ATF4: variants seen among roughly 807,000 people sequenced by gnomAD.
ATF4 encodes the protein cyclic AMP-dependent transcription factor ATF-4.
Under a neutral mutation model 21.0 loss-of-function variants are expected in ATF4, and 8 were observed. The observed-to-expected ratio is 0.38, with a 90% confidence interval of 0.22 to 0.69. The LOEUF is 0.69. ATF4 is among the 30% of genes least tolerant of loss of function. The pLI is 0.49. For missense variants in ATF4, 549 were observed against 425.9 expected (o/e 1.29, Z -2.54); for synonymous variants, 241 against 166.4 (o/e 1.45, Z -3.45).
Position 39,522,424 on chromosome 22 carries a change from C to T in ATF4, c.878C>T (p.Thr293Ile), listed in dbSNP as rs774364445. ...KKMEQNKTAA[T>I]RYRQKKRAEQ... ...ATGGAGCAAAACAAGACAGCAGCCACTAGGTACCGCCAGAAGAAGAGGGCG... is the reference window on the plus strand; with the variant it reads ...ATGGAGCAAAACAAGACAGCAGCCATTAGGTACCGCCAGAAGAAGAGGGCG... The change falls in exon 3 of 3, where the codon ACT becomes ATT. Residue 293 changes from threonine to isoleucine, a missense_variant. Transcript: ENST00000674920. 5 of 1,613,576 alleles carry T rather than the reference C, an allele frequency of 3.1e-6. No individual in the cohort carries two copies. In the East Asian group the frequency reaches 1.1e-4, roughly 36 times the overall value.
rs748952205 is a variant in ATF4, at chr22:39,521,891, G to A, written c.345G>A (p.Thr115=). 1.7e-5 allele frequency: 27 copies of A among 1,613,996 alleles called. No homozygotes were observed. The highest frequency in any genetic ancestry group is 1.4e-4 in the South Asian group (13 of 91,088). The change falls in exon 3 of 3, where the codon ACG becomes ACA. Residue 115 remains threonine (T), a synonymous_variant. Coordinates refer to ENST00000674920, the MANE Select transcript of ATF4 (RefSeq NM_182810.3). ...LETMPDDLLT[T]LDDTCDLFAP... is the part of the protein sequence containing the mutation. The stretch of plus-strand genomic sequence containing the variant: ...CCATGCCAGATGACCTTCTGACCAC[G>A]TTGGATGACACTTGTGATCTCTTTG...
rs1930945915 is a variant in ATF4, at chr22:39,521,567, C to T, written c.122C>T (p.Ala41Val). 1 of 1,613,670 alleles carries T rather than the reference C, an allele frequency of 6.2e-7. No individual in the cohort carries two copies. Among genetic ancestry groups the T allele is most frequent in the Non-Finnish European group, 8.5e-7 (1 of 1,179,992 alleles). Residue 41 changes from alanine (A) to valine (V), a missense_variant, in exon 2 of 3, where the codon GCC becomes GTC. By Grantham distance (64) the Ala-to-Val change is moderately conservative. Coordinates refer to ENST00000674920, the MANE Select transcript of ATF4 (RefSeq NM_182810.3). ...CTCTTAGATGATTACCTGGAGGTGG[C>T]CAAGCACTTCAAACCTCATGGGTTC... The part of the protein sequence containing the change: ...LGLLDDYLEV[A>V]KHFKPHGFSS...
intron 1 of ATF4, chr22:39,521,047 TGGCGGCGGCAGGGC>T (rs1369799909): frequency 6.8e-6 from 1 of 146,264 alleles, no homozygotes; most frequent in East Asian, 2.3e-4. Context: ...GGAACCAAGA[TGGCGGCGGCAGGGC>T]GGCGGCGCGG....
chr22:39,522,005 G>A lies in ATF4; in HGVS notation c.459G>A (p.Gln153=), dbSNP rs1179049399. Reference sequence around the variant, plus strand: ...CAGAAAGTTTAACAAAACCCGACCAGGTTGCCCCCTTCACCTTCTTACAAC... The same window carrying A: ...CAGAAAGTTTAACAAAACCCGACCAAGTTGCCCCCTTCACCTTCTTACAAC... ...HLPESLTKPD[Q]VAPFTFLQPL... is the part of the protein sequence containing the mutation. Residue 153 remains glutamine (Q), a synonymous_variant, in exon 3 of 3, where the codon CAG becomes CAA. Transcript: ENST00000674920. 6.2e-7 allele frequency: 1 copy of A among 1,613,670 alleles called. No homozygotes were observed. Among genetic ancestry groups the A allele is most frequent in the Non-Finnish European group, 8.5e-7 (1 of 1,179,774 alleles).
chr22:39,522,624 A>G lies in ATF4; in HGVS notation c.*22A>G, dbSNP rs1313307753. 1.3e-6 allele frequency: 2 copies of G among 1,506,880 alleles called. No homozygotes were observed. Among genetic ancestry groups the G allele is most frequent in the Admixed American group, 2.3e-5 (1 of 43,232 alleles). 93.3% of individuals were successfully genotyped at this position (1,506,880 alleles called of 1,614,324 possible). ...CTAGTTGAGGATAGTCAGGAGCGTC[A>G]ATGTGCTTGTACATAGAGTGCTGTA... On this transcript the variant is annotated 3_prime_UTR_variant, in exon 3 of 3. Transcript: ENST00000674920.
At position 39,522,352 on chromosome 22, in the gene ATF4, T is replaced by C; in HGVS notation, c.806T>C (p.Val269Ala). The stretch of plus-strand genomic sequence containing the variant: ...TACGATCCTCCTGGAGAGAAGATGG[T>C]AGCAGCAAAAGTAAAGGGTGAGAAA... ...KPYDPPGEKMVAAKVKGEKLD... is the reference protein window; with the variant it reads ...KPYDPPGEKMAAAKVKGEKLD... Residue 269 changes from valine (V) to alanine (A), a missense_variant, in exon 3 of 3, where the codon GTA becomes GCA. By Grantham distance (64) the Val-to-Ala change is moderately conservative. Coordinates refer to ENST00000674920, the MANE Select transcript of ATF4 (RefSeq NM_182810.3). 1.2e-6 allele frequency: 2 copies of C among 1,612,650 alleles called. No homozygotes were observed. Among genetic ancestry groups the C allele is most frequent in the Admixed American group, 1.7e-5 (1 of 59,788 alleles).
rs2145763615 is a variant in ATF4 at position 39,521,914 on chromosome 22, T to C, written c.368T>C (p.Phe123Ser). 3 of 1,613,900 alleles carry C rather than the reference T, an allele frequency of 1.9e-6. No homozygotes were observed. Among genetic ancestry groups the C allele is most frequent in the East Asian group, 4.5e-5 (2 of 44,880 alleles). ...ACGTTGGATGACACTTGTGATCTCT[T>C]TGCCCCCCTAGTCCAGGAGACTAAT... is the stretch of plus-strand genomic sequence containing the variant. ...LTTLDDTCDL[F>S]APLVQETNKQ... The change falls in exon 3 of 3, where the codon TTT (phenylalanine) becomes TCT (serine). Residue 123 changes from phenylalanine to serine, a missense_variant. Phe to Ser is a radical substitution (Grantham distance 155). Coordinates refer to ENST00000674920, the MANE Select transcript of ATF4 (RefSeq NM_182810.3).
At chr22:39,520,978 G>C (rs1186492012) in intron 1 of ATF4, 1 of 153,472 alleles carries the variant, frequency 6.5e-6, no homozygotes, top group Non-Finnish European at 1.5e-5. Flanking sequence ...TACAGCCCTC[G>C]GACCCCGAGC....
In ATF4 at chr22:39,522,556, T is replaced by G; in HGVS notation, c.1010T>G (p.Leu337Trp). The change falls in exon 3 of 3, where the codon TTG (leucine) becomes TGG (tryptophan). Residue 337 changes from leucine (L) to tryptophan (W), a missense_variant. Physicochemically the swap from Leu to Trp is moderately conservative, Grantham distance 61. Coordinates refer to ENST00000674920, the MANE Select transcript of ATF4 (RefSeq NM_182810.3). ...LAKEIQYLKD[L>W]IEEVRKARGK... ...AAGGAGATCCAGTACCTGAAAGATT[T>G]GATAGAAGAGGTCCGCAAGGCAAGG... The G allele has an allele frequency of 7.0e-6, 11 of 1,573,554 alleles. No individual in the cohort carries two copies. The highest frequency in any genetic ancestry group is 8.6e-6 in the Non-Finnish European group (10 of 1,164,162).
At chr22:39,520,863 C>G (rs913985109) in intron 1 of ATF4, 112 bp downstream of exon 1, 2 of 152,932 alleles carry the variant, frequency 1.3e-5, no homozygotes, top group Non-Finnish European at 2.9e-5. Flanking sequence ...AGCGATTTAA[C>G]GAGCGCCCGG....
chr22:39,520,957 C>T (rs1930900133), intron 1 of ATF4: 1 of 152,946 alleles, frequency 6.5e-6, no homozygotes, highest in African/African-American at 2.4e-5. Flanking sequence ...GGACTGCTTC[C>T]CCAGGAGCCC....
rs149326054 is a variant in ATF4, at chr22:39,521,579, A to C, written c.134A>C (p.Lys45Thr). 6.2e-7 allele frequency: 1 copy of C among 1,613,984 alleles called. No homozygotes were observed. Among genetic ancestry groups the C allele is most frequent in the Admixed American group, 1.7e-5 (1 of 60,026 alleles). Residue 45 changes from lysine (K) to threonine (T), a missense_variant, in exon 2 of 3, where the codon AAA (lysine) becomes ACA (threonine). Coordinates refer to ENST00000674920, the MANE Select transcript of ATF4 (RefSeq NM_182810.3). ...TACCTGGAGGTGGCCAAGCACTTCA[A>C]ACCTCATGGGTTCTCCAGCGACAAG... Reference protein sequence around the residue: ...DDYLEVAKHFKPHGFSSDKAK... With the variant: ...DDYLEVAKHFTPHGFSSDKAK...
rs1438372076 is a variant in ATF4 at position 39,521,623 on chromosome 22, G to A, written c.178G>A (p.Glu60Lys). 5 of 1,614,038 alleles carry A rather than the reference G, an allele frequency of 3.1e-6. No homozygotes were observed. Among genetic ancestry groups the A allele is most frequent in the South Asian group, 1.1e-5 (1 of 91,084 alleles). ...CGACAAGGCTAAGGCGGGCTCCTCC[G>A]AATGGCTGGCTGTGGATGGGTTGGT... ...SSDKAKAGSS[E>K]WLAVDGLVSP... The change falls in exon 2 of 3, where the codon GAA (glutamate) becomes AAA (lysine). Residue 60 changes from glutamate to lysine, a missense_variant. By Grantham distance (56) the Glu-to-Lys change is moderately conservative (BLOSUM62 1). Transcript: ENST00000674920.
In ATF4 at chr22:39,521,585, A is replaced by C. The variant is rs747272986; in HGVS notation, c.140A>C (p.His47Pro). ...YLEVAKHFKP[H>P]GFSSDKAKAG... ...GAGGTGGCCAAGCACTTCAAACCTC[A>C]TGGGTTCTCCAGCGACAAGGCTAAG... The change falls in exon 2 of 3, where the codon CAT (histidine) becomes CCT (proline). Residue 47 changes from histidine to proline, a missense_variant. Physicochemically the swap from His to Pro is moderately conservative, Grantham distance 77 (BLOSUM62 -2). Transcript: ENST00000674920. 6.2e-7 allele frequency: 1 copy of C among 1,613,922 alleles called. No homozygotes were observed. Among genetic ancestry groups the C allele is most frequent in the Non-Finnish European group, 8.5e-7 (1 of 1,180,018 alleles).
rs1931008326 is a variant in ATF4 at position 39,522,282 on chromosome 22, C to T, written c.736C>T (p.Leu246Phe). The change falls in exon 3 of 3, where the codon CTC becomes TTC. Residue 246 changes from leucine (L) to phenylalanine (F), a missense_variant. Coordinates refer to ENST00000674920, the MANE Select transcript of ATF4 (RefSeq NM_182810.3). Reference sequence around the variant, plus strand: ...TACCAGGGGCTCTCCAAATAGGAGCCTCCCATCTCCAGGTGTTCTCTGTGG... The same window carrying T: ...TACCAGGGGCTCTCCAAATAGGAGCTTCCCATCTCCAGGTGTTCTCTGTGG... ...PSTRGSPNRSLPSPGVLCGSA... is the reference protein window; with the variant it reads ...PSTRGSPNRSFPSPGVLCGSA... 3 of 1,607,734 alleles carry T rather than the reference C, an allele frequency of 1.9e-6. No individual in the cohort carries two copies. Among genetic ancestry groups the T allele is most frequent in the Non-Finnish European group, 2.5e-6 (3 of 1,177,474 alleles).
At chr22:39,521,724 C>G (rs1272379936) in intron 2 of ATF4, 49 bp from the exon 3 acceptor site, 1 of 1,609,510 alleles carries the variant, frequency 6.2e-7, no homozygotes, top group Non-Finnish European at 8.5e-7. Flanking sequence ...TAGGGGCCTC[C>G]TACCTTTGTA....
intron 1 of ATF4, chr22:39,520,972 G>A (rs551099467): frequency 6.5e-6 from 1 of 153,648 alleles, no homozygotes; most frequent in East Asian, 1.9e-4. Context: ...GAGCCCTACA[G>A]CCCTCGGACC....
In ATF4 at chr22:39,521,922, C is replaced by G. The variant is rs181790280; in HGVS notation, c.376C>G (p.Leu126Val). The stretch of plus-strand genomic sequence containing the variant: ...TGACACTTGTGATCTCTTTGCCCCC[C>G]TAGTCCAGGAGACTAATAAGCAGCC... Reference protein sequence around the residue: ...LDDTCDLFAPLVQETNKQPPQ... With the variant: ...LDDTCDLFAPVVQETNKQPPQ... The change falls in exon 3 of 3, where the codon CTA becomes GTA. Residue 126 changes from leucine to valine, a missense_variant. Coordinates refer to ENST00000674920, the MANE Select transcript of ATF4 (RefSeq NM_182810.3). 3 of 1,613,702 alleles carry G rather than the reference C, an allele frequency of 1.9e-6. No homozygotes were observed. In the African/African-American group the frequency reaches 4.0e-5, roughly 22 times the overall value.
Position 39,521,915 on chromosome 22 carries a change from T to C in ATF4, c.369T>C (p.Phe123=), listed in dbSNP as rs760328559. The C allele has an allele frequency of 2.0e-5, 32 of 1,613,918 alleles. No individual in the cohort carries two copies. Among genetic ancestry groups the C allele is most frequent in the Non-Finnish European group, 2.6e-5 (31 of 1,179,904 alleles). ...CGTTGGATGACACTTGTGATCTCTTTGCCCCCCTAGTCCAGGAGACTAATA... is the reference window on the plus strand; with the variant it reads ...CGTTGGATGACACTTGTGATCTCTTCGCCCCCCTAGTCCAGGAGACTAATA... The part of the protein sequence containing the change: ...LTTLDDTCDL[F]APLVQETNKQ... Residue 123 remains phenylalanine, a synonymous_variant, in exon 3 of 3, where the codon TTT becomes TTC. Transcript: ENST00000674920.
Sources: gnomAD v4.1 joint callset for allele counts on GRCh38, gnomAD v4.1.1 for gene constraint, MANE v1.5 for transcripts, NCBI Gene and HGNC (gene_info 2026-07-23, HGNC 2026-07-21) for gene names.